Variants in FMNL2 observed in about 807,000 individuals in gnomAD.
FMNL2 encodes formin like 2.
In FMNL2, 51 loss-of-function variants were observed where a neutral mutation model predicts 130.2. That is an observed-to-expected ratio of 0.39 (90% CI 0.31 to 0.49). The LOEUF is 0.49. FMNL2 is among the 20% of genes least tolerant of loss of function. The probability of loss-of-function intolerance (pLI) is 0.85; values close to 1 mark genes in which losing one functional copy is unlikely to be tolerated. For synonymous variants in FMNL2, 465 were observed against 467.1 expected (o/e 1.00, Z 0.06); for missense variants, 977 against 1,316.2 (o/e 0.74, Z 3.99).
chr2:152,581,552 T>C (rs537859339), intron 9 of FMNL2, among the ~76,000 whole-genome samples: 1 of 152,314 alleles, frequency 6.6e-6, no homozygotes, highest in East Asian at 1.9e-4. Flanking sequence ...GGAGACTGTC[T>C]GACCACAAAG....
chr2:152,428,284 AGAT>A (rs1343138124), intron 1 of FMNL2, among the ~76,000 whole-genome samples: 1 of 152,182 alleles, frequency 6.6e-6, no homozygotes, highest in Non-Finnish European at 1.5e-5. Flanking sequence ...CTTCTTTTCT[AGAT>A]GTCTGTGGTT....
chr2:152,583,832 GA>G (rs1414513288), intron 9 of FMNL2, among the ~76,000 whole-genome samples: 1 of 152,088 alleles, frequency 6.6e-6, no homozygotes, highest in African/African-American at 2.4e-5. Context: ...CTGCTGCCTA[GA>G]ATTTTTTATT....
chr2:152,525,513 A>G (rs1693340187), intron 2 of FMNL2, among the ~76,000 whole-genome samples: 1 of 152,150 alleles, frequency 6.6e-6, no homozygotes, highest in African/African-American at 2.4e-5. Flanking sequence ...GCATGAGTGG[A>G]CCTTGCCTCC....
At chr2:152,458,423 T>C (rs571668605) in intron 1 of FMNL2, among the ~76,000 whole-genome samples, 1 of 152,350 alleles carries the variant, frequency 6.6e-6, no homozygotes, top group East Asian at 1.9e-4. Context: ...TTCTGTTGAC[T>C]GCACATTTCT....
At chr2:152,527,373 AG>A (rs1243216110) in intron 2 of FMNL2, among the ~76,000 whole-genome samples, 1 of 152,214 alleles carries the variant, frequency 6.6e-6, no homozygotes, top group Non-Finnish European at 1.5e-5. Context: ...ATATACGTCC[AG>A]TTACCTATCA....
chr2:152,350,067 C>T (rs1021894301), intron 1 of FMNL2, among the ~76,000 whole-genome samples: 3 of 151,894 alleles, frequency 2.0e-5, no homozygotes, highest in Non-Finnish European at 4.4e-5. Flanking sequence ...AGAAATGGAG[C>T]GTTTAGATGG....
chr2:152,395,242 C>T (rs1441852419), intron 1 of FMNL2, among the ~76,000 whole-genome samples: 2 of 152,308 alleles, frequency 1.3e-5, no homozygotes, highest in East Asian at 3.9e-4. Context: ...AGCTGGGTTG[C>T]CATGGTGCTG....
chr2:152,505,928 A>G (rs904353132), intron 1 of FMNL2, among the ~76,000 whole-genome samples: 1 of 152,234 alleles, frequency 6.6e-6, no homozygotes, highest in African/African-American at 2.4e-5. Flanking sequence ...CATTGTTAAT[A>G]ATTATGCCAG....
intron 9 of FMNL2, among the ~76,000 whole-genome samples, chr2:152,598,294 A>G (rs1697871090): frequency 1.3e-5 from 2 of 152,236 alleles, no homozygotes; most frequent in South Asian, 4.1e-4. Flanking sequence ...TTGAAAATAA[A>G]GAACAGTGTT....
At chr2:152,363,129 C>T (rs1683274925) in intron 1 of FMNL2, among the ~76,000 whole-genome samples, 2 of 152,186 alleles carry the variant, frequency 1.3e-5, no homozygotes, top group Admixed American at 1.3e-4. Context: ...TTGCATAACT[C>T]TGTGAATATA....
chr2:152,581,387 T>C (rs56220401), intron 9 of FMNL2, among the ~76,000 whole-genome samples: 1 of 152,048 alleles, frequency 6.6e-6, no homozygotes, highest in Non-Finnish European at 1.5e-5. Flanking sequence ...TCGTCCACCA[T>C]GCAAATTTTA....
intron 1 of FMNL2, among the ~76,000 whole-genome samples, chr2:152,431,125 G>T (rs1366433578): frequency 6.6e-6 from 1 of 152,074 alleles, no homozygotes; most frequent in African/African-American, 2.4e-5. Flanking sequence ...TTCTTTTTAA[G>T]GCCAATTGTT....
chr2:152,372,305 G>T (rs1683934388), intron 1 of FMNL2, among the ~76,000 whole-genome samples: 1 of 152,190 alleles, frequency 6.6e-6, no homozygotes, highest in Admixed American at 6.5e-5. Flanking sequence ...TTTAGCATTT[G>T]TGTCAGATTT....
chr2:152,358,696 C>A (rs1344041656), intron 1 of FMNL2, among the ~76,000 whole-genome samples: 1 of 151,974 alleles, frequency 6.6e-6, no homozygotes, highest in East Asian at 1.9e-4. Context: ...CCTATTAGTT[C>A]TGTTCCTTTA....
Position 152,375,877 on chromosome 2 carries a change from C to CTATATATATATATATA in FMNL2, c.117+40162_117+40177dup, listed in dbSNP as rs61564333. On this transcript the variant is annotated intron_variant, in intron 1 of 25. Coordinates refer to ENST00000288670, the MANE Select transcript of FMNL2 (RefSeq NM_052905.4). ...TCTCTCTCTCTCTCTCTCTCTCTCT[C>CTATATATATATATATA]TATATATATATATATATATAATTAT... is the stretch of plus-strand genomic sequence containing the variant. 1.7e-3 allele frequency among the ~76,000 whole-genome samples: 189 copies of CTATATATATATATATA among 112,410 alleles called. 1 individual carries two copies. Among genetic ancestry groups the CTATATATATATATATA allele is most frequent in the Non-Finnish European group, 2.4e-3 (145 of 59,224 alleles). 73.7% of individuals were successfully genotyped at this position (112,410 alleles called of 152,430 possible).
At chr2:152,432,038 T>G (rs1216144044) in intron 1 of FMNL2, among the ~76,000 whole-genome samples, 1 of 151,358 alleles carries the variant, frequency 6.6e-6, no homozygotes, top group Non-Finnish European at 1.5e-5. Context: ...GAGAAAATAT[T>G]TTATTCCTCT....
chr2:152,541,139 C>T (rs901872629), intron 2 of FMNL2, among the ~76,000 whole-genome samples: 3 of 152,038 alleles, frequency 2.0e-5, no homozygotes, highest in Non-Finnish European at 4.4e-5. Flanking sequence ...AGATTATCCT[C>T]ATTTCTTTTT....
intron 11 of FMNL2, among the ~76,000 whole-genome samples, chr2:152,613,017 G>A (rs1196683446): frequency 2.0e-5 from 3 of 152,190 alleles, no homozygotes; most frequent in African/African-American, 7.2e-5. Context: ...CACAGAGGTG[G>A]TTACTCTCAA....
At position 152,370,959 on chromosome 2, in the gene FMNL2, C is replaced by G. The variant is rs557524756; in HGVS notation, c.117+35239C>G. Among the ~76,000 whole-genome samples, 144 of 152,248 alleles carry G rather than the reference C, an allele frequency of 9.5e-4. 1 individual carries two copies. Among genetic ancestry groups the G allele is most frequent in the African/African-American group, 3.2e-3 (132 of 41,540 alleles). ...ACGGGGATTTACTTCAGAGGTGTCT[C>G]GCTGATGTAGTTGGTAAGTTGCTGT... is the stretch of plus-strand genomic sequence containing the variant. On this transcript the variant is annotated intron_variant, in intron 1 of 25. Transcript: ENST00000288670.
Sources: gnomAD v4.1 joint callset for allele counts (sites outside exome capture counted in the v4.1 genomes callset) on GRCh38, gnomAD v4.1.1 for gene constraint, MANE v1.5 for transcripts, NCBI Gene and HGNC (gene_info 2026-07-23, HGNC 2026-07-21) for gene names.